CEP68: variants seen among roughly 807,000 people sequenced by gnomAD.
The protein encoded by CEP68 is centrosomal protein 68, also known as centrosomal protein of 68 kDa.
In CEP68, 26 loss-of-function variants were observed where a neutral mutation model predicts 55.3. That is an observed-to-expected ratio of 0.47 (90% CI 0.34 to 0.65). CEP68 has a LOEUF of 0.65. Ranked by LOEUF, CEP68 falls within the 30% of genes least tolerant of loss-of-function variation. The pLI is 0.01. For missense variants in CEP68, 957 were observed against 946.7 expected (o/e 1.01, Z -0.14); for synonymous variants, 402 against 383.2 (o/e 1.05, Z -0.57).
chr2:65,072,313 G>A lies in CEP68; in HGVS notation c.1217G>A (p.Ser406Asn), dbSNP rs1676518062. Reference protein sequence around the residue: ...QLASTPRAPGSRDARWERREP... With the variant: ...QLASTPRAPGNRDARWERREP... Reference sequence around the variant, plus strand: ...GCATCTACCCCCAGAGCCCCAGGCAGTAGGGATGCTCGTTGGGAGCGCAGA... The same window carrying A: ...GCATCTACCCCCAGAGCCCCAGGCAATAGGGATGCTCGTTGGGAGCGCAGA... Residue 406 changes from serine (S) to asparagine (N), a missense_variant, in exon 3 of 7, where the codon AGT (serine) becomes AAT (asparagine). Ser to Asn is a conservative substitution (Grantham distance 46). Transcript: ENST00000377990. 3.7e-6 allele frequency: 6 copies of A among 1,614,068 alleles called. No individual in the cohort carries two copies. The highest frequency in any genetic ancestry group is 5.1e-6 in the Non-Finnish European group (6 of 1,180,020).
Position 65,071,562 on chromosome 2 carries a change from T to C in CEP68, c.466T>C (p.Ser156Pro), listed in dbSNP as rs150197893. The change falls in exon 3 of 7, where the codon TCC becomes CCC. Residue 156 changes from serine to proline, a missense_variant. Physicochemically the swap from Ser to Pro is moderately conservative, Grantham distance 74. Coordinates refer to ENST00000377990, the MANE Select transcript of CEP68 (RefSeq NM_015147.3). Reference protein sequence around the residue: ...GHDADTEDDPSLADLPQALDL... With the variant: ...GHDADTEDDPPLADLPQALDL... ...TGATGCTGATACCGAAGATGATCCATCCCTAGCAGATTTGCCCCAGGCACT... is the reference window on the plus strand; with the variant it reads ...TGATGCTGATACCGAAGATGATCCACCCCTAGCAGATTTGCCCCAGGCACT... The C allele has an allele frequency of 7.4e-6, 12 of 1,614,040 alleles. No homozygotes were observed. In the African/African-American group the frequency reaches 1.5e-4, roughly 20 times the overall value.
chr2:65,060,551 G>A (rs1468255143), intron 1 of CEP68, among the ~76,000 whole-genome samples: 2 of 152,020 alleles, frequency 1.3e-5, no homozygotes, highest in African/African-American at 2.4e-5. Context: ...GCAACATAGC[G>A]AGGCCTCGTC....
In CEP68 at chr2:65,072,367, G is replaced by A. The variant is rs971023170; in HGVS notation, c.1271G>A (p.Arg424Gln). The A allele has an allele frequency of 1.2e-5, 20 of 1,613,896 alleles. No individual in the cohort carries two copies. Among genetic ancestry groups the A allele is most frequent in the East Asian group, 8.9e-5 (4 of 44,872 alleles). The change falls in exon 3 of 7, where the codon CGG becomes CAG. Residue 424 changes from arginine to glutamine, a missense_variant. Transcript: ENST00000377990. ...REPALRGAKD[R>Q]LTIGKHLDMG... is the part of the protein sequence containing the mutation. ...CCAGCCCTGAGGGGTGCGAAGGACCGGCTGACTATAGGCAAGCACCTTGAT... is the reference window on the plus strand; with the variant it reads ...CCAGCCCTGAGGGGTGCGAAGGACCAGCTGACTATAGGCAAGCACCTTGAT...
chr2:65,073,024 G>A lies in CEP68; in HGVS notation c.1884+44G>A, dbSNP rs768015898. 2.5e-6 allele frequency: 4 copies of A among 1,599,806 alleles called. No homozygotes were observed. In the South Asian group the frequency reaches 3.3e-5, roughly 13 times the overall value. On this transcript the variant is annotated intron_variant, in intron 3 of 6. Coordinates refer to ENST00000377990, the MANE Select transcript of CEP68 (RefSeq NM_015147.3). ...AGGAAGCTTTGTGTACAGGTGTCTT[G>A]TCTCTTCCCCCAATCCACTAACATC...
rs1332276117 is a variant in CEP68 at position 65,086,706 on chromosome 2, C to G, written c.*3072C>G. 1 of 152,514 alleles carries G rather than the reference C, an allele frequency of 6.6e-6. No individual in the cohort carries two copies. The highest frequency in any genetic ancestry group is 1.9e-4 in the East Asian group (1 of 5,194). The allele number at this position is 152,514 out of a possible 1,614,324, so 9.4% of individuals were successfully genotyped here. A position where few individuals can be genotyped will look rare whatever the true frequency, so the allele number is the denominator to read the frequency against. On this transcript the variant is annotated 3_prime_UTR_variant, in exon 7 of 7. Transcript: ENST00000377990. ...ATTTAGCTACTTTAGAAAATAGTTT[C>G]TGAACTCTTTCCCCCTTTATACTGT...
chr2:65,082,487 C>T, intron 5 of CEP68, 49 bp from the exon 6 acceptor site: 1 of 1,466,046 alleles, frequency 6.8e-7, no homozygotes, highest in African/African-American at 1.4e-5. Context: ...CTGGACAACA[C>T]TTGCATGGGT....
intron 1 of CEP68, among the ~76,000 whole-genome samples, chr2:65,065,440 GTCC>G (rs1328585954): frequency 6.6e-6 from 1 of 152,184 alleles, no homozygotes; most frequent in Non-Finnish European, 1.5e-5. Context: ...TGTACGGTAA[GTCC>G]TCACTTGATG....
At chr2:65,075,065 T>A (rs1280170794) in intron 4 of CEP68, 1 of 153,258 alleles carries the variant, frequency 6.5e-6, no homozygotes, top group Non-Finnish European at 1.4e-5. Context: ...TATTTAAAGA[T>A]CTGAGCTGAA....
At chr2:65,066,741 A>ATAT (rs1258320911) in intron 1 of CEP68, among the ~76,000 whole-genome samples, 51 of 94,718 alleles carry the variant, frequency 5.4e-4, no homozygotes, top group Non-Finnish European at 8.8e-4. Context: ...AAAAAAAAAA[A>ATAT]AAAAATATAT....
chr2:65,057,154 C>T (rs1044511497), intron 1 of CEP68, among the ~76,000 whole-genome samples: 2 of 152,212 alleles, frequency 1.3e-5, no homozygotes, highest in Admixed American at 1.3e-4. Context: ...GTTCCAGGCC[C>T]TTGATGATTA....
Position 65,061,150 on chromosome 2 carries a change from C to T in CEP68, c.-47+4622C>T, listed in dbSNP as rs180857329. ...TAGCACCACTGCACTCCAGCCTGGGCAACACAGCAAGACTCCATCTCAAAT... is the reference window on the plus strand; with the variant it reads ...TAGCACCACTGCACTCCAGCCTGGGTAACACAGCAAGACTCCATCTCAAAT... On this transcript the variant is annotated intron_variant, in intron 1 of 6. Transcript: ENST00000377990. 1.9e-3 allele frequency among the ~76,000 whole-genome samples: 288 copies of T among 151,872 alleles called. 3 individuals are homozygous for T. Among genetic ancestry groups the T allele is most frequent in the Admixed American group, 0.013 (194 of 15,258 alleles).
At chr2:65,074,235 A>G (rs1207829515) in intron 3 of CEP68, 47 bp from the exon 4 acceptor site, 2 of 1,605,230 alleles carry the variant, frequency 1.2e-6, no homozygotes, top group South Asian at 2.2e-5. Flanking sequence ...TAACATAAAT[A>G]GCTGTTCGAT....
In CEP68 at chr2:65,074,301, A is replaced by G; in HGVS notation, c.1904A>G (p.Glu635Gly). ...CTGCAGACATTTTGCTGTCAGCTGGAAGAGCTGATCTGCTGGCTGTATAAT... is the reference window on the plus strand; with the variant it reads ...CTGCAGACATTTTGCTGTCAGCTGGGAGAGCTGATCTGCTGGCTGTATAAT... ...QCVKTFCCQL[E>G]ELICWLYNVA... The change falls in exon 4 of 7, where the codon GAA (glutamate) becomes GGA (glycine). Residue 635 changes from glutamate (E) to glycine (G), a missense_variant. Physicochemically the swap from Glu to Gly is moderately conservative, Grantham distance 98. Coordinates refer to ENST00000377990, the MANE Select transcript of CEP68 (RefSeq NM_015147.3). 1 of 1,614,144 alleles carries G rather than the reference A, an allele frequency of 6.2e-7. No individual in the cohort carries two copies. The highest frequency in any genetic ancestry group is 1.1e-5 in the South Asian group (1 of 91,086).
chr2:65,072,424 G>C lies in CEP68; in HGVS notation c.1328G>C (p.Arg443Thr), dbSNP rs772389739. The change falls in exon 3 of 7, where the codon AGA becomes ACA. Residue 443 changes from arginine (R) to threonine (T), a missense_variant. By Grantham distance (71) the Arg-to-Thr change is moderately conservative. Coordinates refer to ENST00000377990, the MANE Select transcript of CEP68 (RefSeq NM_015147.3). ...TCTCCCCAGCTAAGGACACGGGACA[G>C]AGGGTGGCCCTCGCCCAGGCCAGAG... is the stretch of plus-strand genomic sequence containing the variant. Reference protein sequence around the residue: ...MGSPQLRTRDRGWPSPRPERE... With the variant: ...MGSPQLRTRDTGWPSPRPERE... 6.2e-7 allele frequency: 1 copy of C among 1,614,076 alleles called. No homozygotes were observed. The highest frequency in any genetic ancestry group is 8.5e-7 in the Non-Finnish European group (1 of 1,180,050).
chr2:65,080,620 C>T, intron 5 of CEP68: 7 of 816,452 alleles, frequency 8.6e-6, no homozygotes, highest in Non-Finnish European at 1.0e-5. Context: ...GAGTTCAAGA[C>T]CAGCCTGGCC....
chr2:65,072,111 T>C lies in CEP68; in HGVS notation c.1015T>C (p.Phe339Leu). Residue 339 changes from phenylalanine (F) to leucine (L), a missense_variant, in exon 3 of 7, where the codon TTC becomes CTC. Coordinates refer to ENST00000377990, the MANE Select transcript of CEP68 (RefSeq NM_015147.3). ...LQDSGVDLDSFSVSPASTLKS... is the reference protein window; with the variant it reads ...LQDSGVDLDSLSVSPASTLKS... The stretch of plus-strand genomic sequence containing the variant: ...GGACTCCGGGGTAGACCTGGATAGC[T>C]TCTCTGTCTCTCCAGCAAGCACCCT... The C allele has an allele frequency of 4.3e-6, 7 of 1,614,012 alleles. No individual in the cohort carries two copies. Among genetic ancestry groups the C allele is most frequent in the Non-Finnish European group, 5.9e-6 (7 of 1,180,006 alleles).
Position 65,071,861 on chromosome 2 carries a change from TG to T in CEP68, c.770del (p.Gly257ValfsTer6), listed in dbSNP as rs760723266. 6.2e-6 allele frequency: 10 copies of T among 1,608,140 alleles called. No individual in the cohort carries two copies. Among genetic ancestry groups the T allele is most frequent in the East Asian group, 2.2e-5 (1 of 44,842 alleles). On this transcript the variant is annotated frameshift_variant, in exon 3 of 7. Transcript: ENST00000377990. LOFTEE classifies it high-confidence loss of function. ...AGTGGTCACCACAGCCTGTGTTCTC[TG>T]GGGGTGATGCTTCTGGGCTAGGCAG... ...PQWSPQPVFS[G>X]GDASGLGRRR...
At position 65,077,900 on chromosome 2, in the gene CEP68, T is replaced by C; in HGVS notation, c.2040T>C (p.Ser680=). ...AGAAAGATATAGATGAACATCAGTC[T>C]CTGACGGAGAGTGTCTTACAGAAGG... ...QFKKDIDEHQ[S]LTESVLQKGE... The change falls in exon 5 of 7, where the codon TCT becomes TCC. Residue 680 remains serine (S), a synonymous_variant. Transcript: ENST00000377990. 1 of 1,614,040 alleles carries C rather than the reference T, an allele frequency of 6.2e-7. No homozygotes were observed.
Position 65,072,659 on chromosome 2 carries a change from G to A in CEP68, c.1563G>A (p.Val521=), listed in dbSNP as rs1489815532. The A allele has an allele frequency of 9.3e-6, 15 of 1,614,078 alleles. No individual in the cohort carries two copies. The highest frequency in any genetic ancestry group is 1.3e-5 in the African/African-American group (1 of 74,936). ...GDIKGQSPLE[V]SDSDGPASFP... is the part of the protein sequence containing the mutation. Reference sequence around the variant, plus strand: ...TCAAAGGGCAGAGCCCCTTGGAAGTGTCAGACAGTGATGGGCCAGCTTCCT... The same window carrying A: ...TCAAAGGGCAGAGCCCCTTGGAAGTATCAGACAGTGATGGGCCAGCTTCCT... Residue 521 remains valine, a synonymous_variant, in exon 3 of 7, where the codon GTG becomes GTA. Coordinates refer to ENST00000377990, the MANE Select transcript of CEP68 (RefSeq NM_015147.3).
Sources: allele counts gnomAD v4.1 joint callset (sites outside exome capture counted in the v4.1 genomes callset), GRCh38; gene constraint gnomAD v4.1.1; transcripts MANE v1.5; gene names NCBI Gene and HGNC (gene_info 2026-07-23, HGNC 2026-07-21).